Variants in ZNF385D observed in about 807,000 individuals in gnomAD.
ZNF385D encodes the protein zinc finger protein 659.
Under a neutral mutation model 35.8 loss-of-function variants are expected in ZNF385D, and 15 were observed. That is an observed-to-expected ratio of 0.42 (90% CI 0.28 to 0.64). The LOEUF (loss-of-function observed/expected upper bound fraction) is 0.64. Ranked by LOEUF, ZNF385D falls within the 30% of genes least tolerant of loss-of-function variation. ZNF385D has a pLI of 0.23. For missense variants in ZNF385D, 474 were observed against 494.6 expected (o/e 0.96, Z 0.39); for synonymous variants, 212 against 186.8 (o/e 1.13, Z -1.10).
intron 2 of ZNF385D, among the ~76,000 whole-genome samples, chr3:22,181,730 G>A (rs977903556): frequency 2.6e-5 from 4 of 151,660 alleles, no homozygotes; most frequent in Non-Finnish European, 5.9e-5. Context: ...TATGGTAAAG[G>A]TGATGGGATA....
chr3:21,983,492 A>G (rs1694627618), intron 3 of ZNF385D, among the ~76,000 whole-genome samples: 1 of 128,340 alleles, frequency 7.8e-6, no homozygotes, highest in African/African-American at 2.9e-5. Flanking sequence ...AAGGACATGA[A>G]CTCATCATTT....
At chr3:22,199,442 C>A (rs1217180521) in intron 2 of ZNF385D, among the ~76,000 whole-genome samples, 2 of 152,020 alleles carry the variant, frequency 1.3e-5, no homozygotes, top group Non-Finnish European at 2.9e-5. Context: ...CCCTGCAAAA[C>A]AACAAGATGT....
At chr3:21,799,943 G>A (rs2072322233) in intron 3 of ZNF385D, among the ~76,000 whole-genome samples, 1 of 152,042 alleles carries the variant, frequency 6.6e-6, no homozygotes, top group Admixed American at 6.6e-5. Context: ...GTGTGAGATA[G>A]GAATCCAATT....
chr3:22,244,011 T>G (rs2125317939), intron 2 of ZNF385D, among the ~76,000 whole-genome samples: 1 of 150,952 alleles, frequency 6.6e-6, no homozygotes, highest in African/African-American at 2.4e-5. Flanking sequence ...ACCTTTCAAT[T>G]TAGTAATCTC....
chr3:21,529,501 A>T (rs2061870103), intron 3 of ZNF385D, among the ~76,000 whole-genome samples: 1 of 152,120 alleles, frequency 6.6e-6, no homozygotes, highest in Non-Finnish European at 1.5e-5. Context: ...TTTTTTAAAA[A>T]TTCACTTCTG....
At chr3:21,619,263 G>T (rs1471731112) in intron 2 of ZNF385D, among the ~76,000 whole-genome samples, 1 of 152,114 alleles carries the variant, frequency 6.6e-6, no homozygotes, top group Non-Finnish European at 1.5e-5. Flanking sequence ...TCGCATGGCA[G>T]CCTTGTGAAT....
chr3:22,322,439 A>G (rs1341546548), intron 2 of ZNF385D, among the ~76,000 whole-genome samples: 1 of 152,178 alleles, frequency 6.6e-6, no homozygotes, highest in Non-Finnish European at 1.5e-5. Context: ...AGTACTATAA[A>G]GGAGAAACAC....
rs962841851 is a variant in ZNF385D, at chr3:21,539,138, G to A, written c.276+25436C>T. 2.0e-5 allele frequency among the ~76,000 whole-genome samples: 3 copies of A among 151,880 alleles called. No individual in the cohort carries two copies. Among genetic ancestry groups the A allele is most frequent in the Non-Finnish European group, 4.4e-5 (3 of 67,990 alleles). On this transcript the variant is annotated intron_variant, in intron 3 of 7. Transcript: ENST00000281523. This position sits in a 1 kb window ranked among gnomAD's most constrained non-coding sequence, Gnocchi z 4.0. ...ATTTTTAAACCTGCATAATAATAATGCAACCCTTGACAAACCTGATCAACT... is the reference window on the plus strand; with the variant it reads ...ATTTTTAAACCTGCATAATAATAATACAACCCTTGACAAACCTGATCAACT...
chr3:21,699,066 T>C (rs2067575117), intron 1 of ZNF385D, among the ~76,000 whole-genome samples: 2 of 152,132 alleles, frequency 1.3e-5, no homozygotes. Context: ...CTGTTCACAA[T>C]AGCAAAGACT....
chr3:22,073,340 A>G (rs541742645), intron 3 of ZNF385D, among the ~76,000 whole-genome samples: 1 of 151,954 alleles, frequency 6.6e-6, no homozygotes, highest in Admixed American at 6.6e-5. Context: ...GAAAAAAAAA[A>G]AAAGGAAATT....
At chr3:21,833,664 C>A (rs779295783) in intron 3 of ZNF385D, among the ~76,000 whole-genome samples, 1 of 152,032 alleles carries the variant, frequency 6.6e-6, no homozygotes, top group Admixed American at 6.6e-5. Flanking sequence ...TATGACAGCT[C>A]CAGGAAACAA....
At position 22,310,038 on chromosome 3, in the gene ZNF385D, G is replaced by A. The variant is rs1010948574; in HGVS notation, c.106+62412C>T. Among the ~76,000 whole-genome samples the A allele has an allele frequency of 3.3e-5, 5 of 151,962 alleles. No individual in the cohort carries two copies. In the East Asian group the frequency reaches 9.6e-4, roughly 29 times the overall value. On this transcript the variant is annotated intron_variant, in intron 2 of 5. Transcript: ENST00000494108. The stretch of plus-strand genomic sequence containing the variant: ...ATTAGAGTTATTTACATTGGGATGA[G>A]GATTGATCCAAGCAGAAATAAGACC...
chr3:22,056,612 A>G (rs1699415733), intron 3 of ZNF385D, among the ~76,000 whole-genome samples: 1 of 152,258 alleles, frequency 6.6e-6, no homozygotes, highest in Non-Finnish European at 1.5e-5. Context: ...AGAACTCTAC[A>G]AATCAAATTC....
At position 21,465,512 on chromosome 3, in the gene ZNF385D, C is replaced by T. The variant is rs1018347903; in HGVS notation, c.440-28309G>A. On this transcript the variant is annotated intron_variant, in intron 4 of 7. Coordinates refer to ENST00000281523, the MANE Select transcript of ZNF385D (RefSeq NM_024697.3). This position sits in a 1 kb window ranked among gnomAD's most constrained non-coding sequence, Gnocchi z 4.2. ...AACCATTTTAAAGTCTAGGAAAATC[C>T]CTAAAAGAATGAATCAGTCAGGAGC... Among the ~76,000 whole-genome samples, 1 of 152,130 alleles carries T rather than the reference C, an allele frequency of 6.6e-6. No homozygotes were observed. The highest frequency in any genetic ancestry group is 2.4e-5 in the African/African-American group (1 of 41,414).
chr3:22,303,668 T>G (rs910458488), intron 2 of ZNF385D, among the ~76,000 whole-genome samples: 1 of 152,204 alleles, frequency 6.6e-6, no homozygotes. Context: ...GATTTGACTT[T>G]TTATGTTGTA....
At chr3:21,961,741 A>G (rs984279820) in intron 3 of ZNF385D, among the ~76,000 whole-genome samples, 1 of 152,144 alleles carries the variant, frequency 6.6e-6, no homozygotes, top group Non-Finnish European at 1.5e-5. Context: ...GGGATTCAGG[A>G]AAGGCATTTC....
At chr3:22,040,466 G>C (rs1698595649) in intron 3 of ZNF385D, among the ~76,000 whole-genome samples, 1 of 152,086 alleles carries the variant, frequency 6.6e-6, no homozygotes, top group African/African-American at 2.4e-5. Flanking sequence ...GACTCCAAAG[G>C]CTACAGTCCT....
chr3:22,369,345 T>C (rs923186188), intron 2 of ZNF385D, among the ~76,000 whole-genome samples: 1 of 152,160 alleles, frequency 6.6e-6, no homozygotes, highest in African/African-American at 2.4e-5. Flanking sequence ...AGGCTAACCA[T>C]TTACAAGACT....
intron 4 of ZNF385D, among the ~76,000 whole-genome samples, chr3:21,475,694 G>A (rs1227335261): frequency 6.6e-6 from 1 of 152,078 alleles, no homozygotes; most frequent in Non-Finnish European, 1.5e-5. Flanking sequence ...TGTTTAAAAT[G>A]TCAGGCCCAT....
Sources: gnomAD v4.1 joint callset for allele counts (sites outside exome capture counted in the v4.1 genomes callset) on GRCh38, gnomAD v4.1.1 for gene constraint, Gnocchi (gnomAD v3.1) non-coding constraint, MANE v1.5 for transcripts, NCBI Gene and HGNC (gene_info 2026-07-23, HGNC 2026-07-21) for gene names.